Variants in PRKG1 observed in about 807,000 individuals in gnomAD.
PRKG1 encodes the protein protein kinase cGMP-dependent 1, also known as cGMP-dependent protein kinase 1.
PRKG1 carries 35 observed loss-of-function variants against 88.1 expected under a neutral mutation model. That is an observed-to-expected ratio of 0.40 (90% confidence interval 0.30 to 0.53). PRKG1 has a LOEUF of 0.53. Ranked by LOEUF, PRKG1 falls within the 20% of genes least tolerant of loss-of-function variation. The pLI is 0.59. For missense variants in PRKG1, 540 were observed against 839.8 expected (o/e 0.64, Z 4.41); for synonymous variants, 303 against 292.5 (o/e 1.04, Z -0.37).
chr10:51,893,303 T>C (rs544565564), intron 4 of PRKG1, among the ~76,000 whole-genome samples: 1 of 152,184 alleles, frequency 6.6e-6, no homozygotes, highest in East Asian at 1.9e-4. Context: ...CAAGGAAATA[T>C]TCCTGTGGTT....
intron 9 of PRKG1, among the ~76,000 whole-genome samples, chr10:52,240,587 A>G (rs986999898): frequency 1.3e-5 from 2 of 152,174 alleles, no homozygotes; most frequent in Non-Finnish European, 2.9e-5. Flanking sequence ...GCATCATAGA[A>G]CAATGCCAAA....
chr10:51,406,154 C>T (rs1837906043), intron 2 of PRKG1, among the ~76,000 whole-genome samples: 2 of 152,114 alleles, frequency 1.3e-5, no homozygotes, highest in South Asian at 4.1e-4. Context: ...GCACAGCAGC[C>T]CGCAGCCACT....
chr10:51,859,745 A>G (rs1243184070), intron 4 of PRKG1, among the ~76,000 whole-genome samples: 4 of 152,134 alleles, frequency 2.6e-5, no homozygotes, highest in Admixed American at 6.5e-5. Flanking sequence ...TAAAAATCCC[A>G]TACTGCCCAC....
chr10:52,205,746 G>A (rs1194490), intron 9 of PRKG1, among the ~76,000 whole-genome samples: 151,749 of 152,354 alleles, frequency 1, 75,575 homozygotes, highest in Middle Eastern at 1. Flanking sequence ...GGTAACCAGT[G>A]TCTTCTGAAC....
intron 2 of PRKG1, among the ~76,000 whole-genome samples, chr10:51,205,112 T>A (rs1426727010): frequency 6.8e-6 from 1 of 147,302 alleles, no homozygotes; most frequent in Non-Finnish European, 1.5e-5. Flanking sequence ...TAAGGAAGAA[T>A]TTTCATTTTC....
At chr10:51,610,880 G>T (rs1255329327) in intron 3 of PRKG1, among the ~76,000 whole-genome samples, 1 of 152,042 alleles carries the variant, frequency 6.6e-6, no homozygotes, top group Non-Finnish European at 1.5e-5. Flanking sequence ...AACACACACT[G>T]GGGCCTATCA....
chr10:51,251,857 C>T (rs147948016), intron 2 of PRKG1, among the ~76,000 whole-genome samples: 29 of 151,824 alleles, frequency 1.9e-4, no homozygotes, highest in African/African-American at 5.5e-4. Context: ...AATCAGCTAC[C>T]GAATGCTGAA....
At chr10:51,441,281 G>A (rs1055584479) in intron 2 of PRKG1, among the ~76,000 whole-genome samples, 1 of 151,924 alleles carries the variant, frequency 6.6e-6, no homozygotes, top group African/African-American at 2.4e-5. Context: ...TCTCTGATAG[G>A]TGTATTGTGA....
At position 51,948,863 on chromosome 10, in the gene PRKG1, A is replaced by G. The variant is rs140836002; in HGVS notation, c.762+41293A>G. On this transcript the variant is annotated intron_variant, in intron 5 of 17. Coordinates refer to ENST00000373980, the MANE Select transcript of PRKG1 (RefSeq NM_006258.4). ...TAGGGCAATCTTTTCAAAGTGAATT[A>G]TAGTTAATTCTTTAAAACATTGATT... is the stretch of plus-strand genomic sequence containing the variant. 4.3e-3 allele frequency among the ~76,000 whole-genome samples: 650 copies of G among 152,350 alleles called. 7 individuals carry two copies. The highest frequency in any genetic ancestry group is 0.015 in the African/African-American group (620 of 41,586).
rs148816010 is a variant in PRKG1 at position 51,383,796 on chromosome 10, T to A, written c.479-83927T>A. 7.6e-3 allele frequency among the ~76,000 whole-genome samples: 1,158 copies of A among 152,318 alleles called. 17 individuals are homozygous for A. Among genetic ancestry groups the A allele is most frequent in the African/African-American group, 0.026 (1,091 of 41,568 alleles). On this transcript the variant is annotated intron_variant, in intron 2 of 17. Transcript: ENST00000373980. ...TCTACGTGAAACAGCCCTTCTGCTT[T>A]CTCTGTGCTGATGAATCTGTCTTTG... is the stretch of plus-strand genomic sequence containing the variant.
rs554374158 is a variant in PRKG1 at position 51,555,777 on chromosome 10, G to T, written c.592+87941G>T. On this transcript the variant is annotated intron_variant, in intron 3 of 17. Transcript: ENST00000373980. ...CTTGACTTGGTGACTTGGCTGGAAG[G>T]TAGGGGAAGAGGAAGGGTTACTTTT... 2.6e-5 allele frequency among the ~76,000 whole-genome samples: 4 copies of T among 152,092 alleles called. No homozygotes were observed. The South Asian group carries it at 8.3e-4, about 32-fold the overall frequency.
intron 9 of PRKG1, among the ~76,000 whole-genome samples, chr10:52,195,520 A>G (rs1487931536): frequency 1.3e-5 from 2 of 152,120 alleles, no homozygotes; most frequent in Non-Finnish European, 2.9e-5. Flanking sequence ...ATAAATACAG[A>G]TAGAGTTTAT....
At chr10:51,317,814 C>T (rs907073377) in intron 2 of PRKG1, among the ~76,000 whole-genome samples, 1 of 152,178 alleles carries the variant, frequency 6.6e-6, no homozygotes, top group Non-Finnish European at 1.5e-5. Flanking sequence ...GATTATTTAG[C>T]CAGGTTATGC....
intron 3 of PRKG1, among the ~76,000 whole-genome samples, chr10:51,645,696 A>C (rs1459922438): frequency 6.6e-6 from 1 of 152,204 alleles, no homozygotes. Flanking sequence ...AAGAAAAACA[A>C]GTACTCATTA....
At chr10:51,624,709 T>C (rs1589139531) in intron 3 of PRKG1, among the ~76,000 whole-genome samples, 1 of 152,288 alleles carries the variant, frequency 6.6e-6, no homozygotes, top group Non-Finnish European at 1.5e-5. Flanking sequence ...TTAAAAAATG[T>C]TGAACAAAAT....
At chr10:51,134,156 A>T (rs1845636439) in intron 1 of PRKG1, among the ~76,000 whole-genome samples, 1 of 152,208 alleles carries the variant, frequency 6.6e-6, no homozygotes, top group South Asian at 2.1e-4. Flanking sequence ...CCAAATTTAG[A>T]GGTCTAACAA....
chr10:51,869,317 G>A (rs1167173462), intron 4 of PRKG1, among the ~76,000 whole-genome samples: 1 of 151,876 alleles, frequency 6.6e-6, no homozygotes. Flanking sequence ...AACTTTAAAT[G>A]CATTGTTTAT....
intron 2 of PRKG1, among the ~76,000 whole-genome samples, chr10:51,190,691 C>T (rs1837609116): frequency 6.6e-6 from 1 of 151,804 alleles, no homozygotes; most frequent in African/African-American, 2.4e-5. Context: ...ACATATAGGA[C>T]AGTGGTTGAG....
intron 3 of PRKG1, among the ~76,000 whole-genome samples, chr10:51,730,894 G>T (rs977899517): frequency 3.9e-5 from 6 of 152,238 alleles, no homozygotes; most frequent in Admixed American, 1.3e-4. Flanking sequence ...AGTGGCTCAT[G>T]CCTGTAATCC....
Sources: allele counts gnomAD v4.1 joint callset (sites outside exome capture counted in the v4.1 genomes callset), GRCh38; gene constraint gnomAD v4.1.1; transcripts MANE v1.5; gene names NCBI Gene and HGNC (gene_info 2026-07-23, HGNC 2026-07-21).